MINDY1: variants seen among roughly 807,000 people sequenced by gnomAD.
MINDY1 encodes the protein MINDY lysine 48 deubiquitinase 1, also known as ubiquitin carboxyl-terminal hydrolase MINDY-1.
MINDY1 carries 50 observed loss-of-function variants against 53.6 expected under a neutral mutation model. That is an observed-to-expected ratio of 0.93 (90% CI 0.74 to 1.18). The LOEUF (loss-of-function observed/expected upper bound fraction) is 1.18, where lower values mean the gene tolerates loss of function less well. Among genes scored for constraint, MINDY1 ranks in the 50% most tolerant of loss-of-function variants. The pLI is 0.00. For missense variants in MINDY1, 484 were observed against 578.6 expected, an observed-to-expected ratio of 0.84 and a Z score of 1.68; for synonymous variants, 231 against 234.7, an observed-to-expected ratio of 0.98 and a Z score of 0.14.
rs769175389 is a variant in MINDY1, at chr1:151,006,782, C to T, written c.-560G>A. ...GCTGGTGGATTTCCATCAGGACTTT[C>T]TGACCCGGTCAGCAGCTTTGTGATC... On this transcript the variant is annotated 5_prime_UTR_variant, in exon 1 of 10. Coordinates refer to ENST00000683666, the MANE Select transcript of MINDY1 (RefSeq NM_001376665.1). 1 of 985,646 alleles carries T rather than the reference C, an allele frequency of 1.0e-6. No individual in the cohort carries two copies. The highest frequency in any genetic ancestry group is 6.1e-5 in the Admixed American group (1 of 16,292). 61.1% of individuals were successfully genotyped at this position (985,646 alleles called of 1,614,324 possible).
In MINDY1 at chr1:150,999,060, C is replaced by T. The variant is rs1571714656; in HGVS notation, c.981+309G>A. Among the ~76,000 whole-genome samples the T allele has an allele frequency of 6.6e-6, 1 of 152,168 alleles. No homozygotes were observed. On this transcript the variant is annotated intron_variant, in intron 7 of 9. Transcript: ENST00000683666. The surrounding 1 kb of genome is among the most constrained non-coding windows in gnomAD (Gnocchi z 4.4). ...AGATGTGAGCAGAAATGACATGTGTCATTTCCAAACAGAAGCTCTAAGCAT... is the reference window on the plus strand; with the variant it reads ...AGATGTGAGCAGAAATGACATGTGTTATTTCCAAACAGAAGCTCTAAGCAT...
rs758351080 is a variant in MINDY1, at chr1:151,002,215, C to T, written c.403G>A (p.Gly135Ser). Residue 135 changes from glycine to serine, a missense_variant, in exon 2 of 10, where the codon GGC (glycine) becomes AGC (serine). Transcript: ENST00000683666. The surrounding 1 kb of genome is among the most constrained non-coding windows in gnomAD (Gnocchi z 4.1). ...QTPIITQSTN[G>S]PCPLLAIMNI... ...ATGATGGCAAGGAGAGGGCAAGGGC[C>T]GTTAGTGCTCTGGGTGATGATGGGT... is the stretch of plus-strand genomic sequence containing the variant. The T allele has an allele frequency of 5.6e-6, 9 of 1,613,830 alleles. No homozygotes were observed. Among genetic ancestry groups the T allele is most frequent in the Middle Eastern group, 1.6e-4 (1 of 6,080 alleles).
Position 150,997,054 on chromosome 1 carries a change from G to C in MINDY1, c.*233C>G, listed in dbSNP as rs1454672168. ...TGTGACTATTCAGGGACCGGGAGTT[G>C]AGAACCAGAAACCCACCAATCCTAG... On this transcript the variant is annotated 3_prime_UTR_variant, in exon 10 of 10. Coordinates refer to ENST00000683666, the MANE Select transcript of MINDY1 (RefSeq NM_001376665.1). 1 of 583,928 alleles carries C rather than the reference G, an allele frequency of 1.7e-6. No individual in the cohort carries two copies. Among genetic ancestry groups the C allele is most frequent in the Non-Finnish European group, 3.1e-6 (1 of 325,274 alleles). The allele number at this position is 583,928 out of a possible 1,614,324, so 36.2% of individuals were successfully genotyped here. A position where few individuals can be genotyped will look rare whatever the true frequency, so the allele number is the denominator to read the frequency against.
upstream of MINDY1, chr1:151,008,118 G>T: frequency 2.0e-6 from 1 of 510,696 alleles, no homozygotes; most frequent in Non-Finnish European, 2.6e-6. Flanking sequence ...GAAAGAAGAT[G>T]ATCTGTTTTG....
At chr1:151,006,072 T>C (rs1215553209) in intron 1 of MINDY1, 3 of 1,550,788 alleles carry the variant, frequency 1.9e-6, no homozygotes, top group African/African-American at 2.7e-5. Flanking sequence ...ATGTCAACCA[T>C]GGCCACAGTG....
In MINDY1 at chr1:151,001,283, C is replaced by G; in HGVS notation, c.543G>C (p.Glu181Asp). 6.2e-7 allele frequency: 1 copy of G among 1,614,208 alleles called. No individual in the cohort carries two copies. The highest frequency in any genetic ancestry group is 1.1e-5 in the South Asian group (1 of 91,086). The change falls in exon 4 of 10, where the codon GAG (glutamate) becomes GAC (aspartate). Residue 181 changes from glutamate to aspartate, a missense_variant. By Grantham distance (45) the Glu-to-Asp change is conservative. Coordinates refer to ENST00000683666, the MANE Select transcript of MINDY1 (RefSeq NM_001376665.1). Reference sequence around the variant, plus strand: ...AATTAAGCTGAAGTCCCTCTGACTTCTCCTGGGGCTTGATGGACAGGAGGC... The same window carrying G: ...AATTAAGCTGAAGTCCCTCTGACTTGTCCTGGGGCTTGATGGACAGGAGGC... ...GNCLLSIKPQEKSEGLQLNFQ... is the reference protein window; with the variant it reads ...GNCLLSIKPQDKSEGLQLNFQ...
At chr1:151,006,109 G>A in intron 1 of MINDY1, 4 of 1,551,654 alleles carry the variant, frequency 2.6e-6, no homozygotes, top group Non-Finnish European at 3.5e-6. Flanking sequence ...ACAAGGAGAG[G>A]GGGAAGGTTT....
intron 3 of MINDY1, 80 bp from the exon 4 acceptor site, chr1:151,001,394 G>A (rs938302984): frequency 2.1e-6 from 3 of 1,453,304 alleles, no homozygotes; most frequent in African/African-American, 1.4e-5. Context: ...GAGAATGCGG[G>A]TAATGTCACA....
At chr1:151,004,721 A>T (rs1672959730) in intron 1 of MINDY1, among the ~76,000 whole-genome samples, 1 of 150,194 alleles carries the variant, frequency 6.7e-6, no homozygotes, top group Non-Finnish European at 1.5e-5. Flanking sequence ...ACAGAGCGAA[A>T]CTCCATCTCA....
At position 150,998,139 on chromosome 1, in the gene MINDY1, C is replaced by T. The variant is rs778789813; in HGVS notation, c.1116G>A (p.Lys372=). The change falls in exon 8 of 10, where the codon AAG becomes AAA. Residue 372 remains lysine, a synonymous_variant. Transcript: ENST00000683666. ...SDFHLSHSLG[K]GPGAEGGSGS... ...CACTCCCACCTTCTGCTCCAGGCCC[C>T]TTGCCCAGGGAATGACTCAGGTGAA... 3.1e-6 allele frequency: 5 copies of T among 1,613,898 alleles called. No homozygotes were observed. In the African/African-American group the frequency reaches 6.7e-5, roughly 22 times the overall value.
chr1:150,999,779 A>C lies in MINDY1; in HGVS notation c.838+83T>G. On this transcript the variant is annotated intron_variant, in intron 6 of 9. Transcript: ENST00000683666. This position sits in a 1 kb window ranked among gnomAD's most constrained non-coding sequence, Gnocchi z 4.4. Reference sequence around the variant, plus strand: ...AAGCTTATATCTAGTGGGATGTGGTAGGAGATGACACCCAATAAAAAATAA... The same window carrying C: ...AAGCTTATATCTAGTGGGATGTGGTCGGAGATGACACCCAATAAAAAATAA... The C allele has an allele frequency of 1.6e-6, 2 of 1,236,596 alleles. No homozygotes were observed. Among genetic ancestry groups the C allele is most frequent in the Non-Finnish European group, 2.3e-6 (2 of 856,658 alleles). 76.6% of individuals were successfully genotyped at this position (1,236,596 alleles called of 1,614,324 possible).
intron 5 of MINDY1, 85 bp downstream of exon 5, chr1:151,000,372 C>T: frequency 3.5e-6 from 5 of 1,413,888 alleles, no homozygotes; most frequent in Non-Finnish European, 2.9e-6. Context: ...TAACCCCTAA[C>T]TCCCTAACCT....
At position 151,002,263 on chromosome 1, in the gene MINDY1, T is replaced by TC. The variant is rs774589973; in HGVS notation, c.354dup (p.Ile119AspfsTer16). ...GGTGTCTGTTCTCCTTTCCAAGGGA[T>TC]CCACTTGACACAGTAGAAATCTGGC... On this transcript the variant is annotated frameshift_variant, in exon 2 of 10. Coordinates refer to ENST00000683666, the MANE Select transcript of MINDY1 (RefSeq NM_001376665.1). LOFTEE classifies it high-confidence loss of function. This position sits in a 1 kb window ranked among gnomAD's most constrained non-coding sequence, Gnocchi z 4.1. The TC allele has an allele frequency of 2.0e-5, 32 of 1,614,086 alleles. No homozygotes were observed. In the Admixed American group the frequency reaches 5.2e-4, roughly 26 times the overall value.
rs1672737011 is a variant in MINDY1 at position 151,002,820 on chromosome 1, T to C, written c.-89-114A>G. 2 of 1,457,032 alleles carry C rather than the reference T, an allele frequency of 1.4e-6. No individual in the cohort carries two copies. The highest frequency in any genetic ancestry group is 2.5e-4 in the Middle Eastern group (1 of 3,986). 90.3% of individuals were successfully genotyped at this position (1,457,032 alleles called of 1,614,324 possible). On this transcript the variant is annotated intron_variant, in intron 1 of 9. Coordinates refer to ENST00000683666, the MANE Select transcript of MINDY1 (RefSeq NM_001376665.1). This position sits in a 1 kb window ranked among gnomAD's most constrained non-coding sequence, Gnocchi z 4.1. ...GTGTTTGTGCAGTAACTCCTGGCTA[T>C]GGGCAGTATATGTGTAAACAGAAGG...
At position 150,999,758 on chromosome 1, in the gene MINDY1, T is replaced by A; in HGVS notation, c.838+104A>T. 1.8e-6 allele frequency: 2 copies of A among 1,129,274 alleles called. No individual in the cohort carries two copies. Among genetic ancestry groups the A allele is most frequent in the Non-Finnish European group, 2.6e-6 (2 of 779,764 alleles). 70.0% of individuals were successfully genotyped at this position (1,129,274 alleles called of 1,614,324 possible). On this transcript the variant is annotated intron_variant, in intron 6 of 9. Transcript: ENST00000683666. This position sits in a 1 kb window ranked among gnomAD's most constrained non-coding sequence, Gnocchi z 4.4. ...TTCCCCAAGCTCCTTCTTGTGAAGC[T>A]TATATCTAGTGGGATGTGGTAGGAG...
At position 151,002,480 on chromosome 1, in the gene MINDY1, C is replaced by T; in HGVS notation, c.138G>A (p.Glu46=). The change falls in exon 2 of 10, where the codon GAG becomes GAA. Residue 46 remains glutamate, a synonymous_variant. Coordinates refer to ENST00000683666, the MANE Select transcript of MINDY1 (RefSeq NM_001376665.1). This position sits in a 1 kb window ranked among gnomAD's most constrained non-coding sequence, Gnocchi z 4.1. ...QDTDARDADG[E]AREREPADQA... is the part of the protein sequence containing the mutation. ...GGTCTGCTGGCTCCCGTTCTCTAGC[C>T]TCCCCATCAGCATCTCTTGCATCTG... The T allele has an allele frequency of 6.2e-7, 1 of 1,614,218 alleles. No individual in the cohort carries two copies. The highest frequency in any genetic ancestry group is 8.5e-7 in the Non-Finnish European group (1 of 1,180,044).
intron 9 of MINDY1, 100 bp from the exon 10 acceptor site, chr1:150,997,467 A>G: frequency 6.5e-7 from 1 of 1,536,212 alleles, no homozygotes; most frequent in Non-Finnish European, 8.8e-7. Flanking sequence ...GAGTAGGGAG[A>G]GGAAGACAGG....
chr1:151,006,150 C>T, intron 1 of MINDY1, 162 bp downstream of exon 1: 1 of 1,551,672 alleles, frequency 6.4e-7, no homozygotes, highest in Non-Finnish European at 8.7e-7. Flanking sequence ...GAGGACCAAG[C>T]AGCATCCCCT....
chr1:151,000,057 ACCCTGT>A, intron 5 of MINDY1, 93 bp from the exon 6 acceptor site: 1 of 894,800 alleles, frequency 1.1e-6, no homozygotes, highest in East Asian at 2.5e-5. Flanking sequence ...AAGGACTACA[ACCCTGT>A]GATGAATGGT....
Sources: gnomAD v4.1 joint callset for allele counts (sites outside exome capture counted in the v4.1 genomes callset) on GRCh38, gnomAD v4.1.1 for gene constraint, Gnocchi (gnomAD v3.1) non-coding constraint, MANE v1.5 for transcripts, NCBI Gene and HGNC (gene_info 2026-07-23, HGNC 2026-07-21) for gene names.